C6: variants seen among roughly 807,000 people sequenced by gnomAD.
The protein encoded by C6 is complement component C6.
A neutral mutation model predicts 112.9 loss-of-function variants in C6; 101 were observed. The ratio of observed to expected loss-of-function variants is 0.89; its 90% CI spans 0.76 to 1.06. The LOEUF (loss-of-function observed/expected upper bound fraction) is 1.06, where lower values mean the gene tolerates loss of function less well. Among genes scored for constraint, C6 ranks in the 50% least tolerant of loss-of-function variants. The probability of loss-of-function intolerance (pLI) is 0.00; values close to 1 mark genes in which losing one functional copy is unlikely to be tolerated. For missense variants in C6, 1,202 were observed against 1,104.6 expected, an observed-to-expected ratio of 1.09 and a Z score of -1.25; for synonymous variants, 431 against 384.1, an observed-to-expected ratio of 1.12 and a Z score of -1.43.
chr5:41,149,893 G>T, intron 16 of C6, 42 bp downstream of exon 16: 1 of 1,391,714 alleles, frequency 7.2e-7, no homozygotes, highest in Non-Finnish European at 1.0e-6. Flanking sequence ...CACTAGACTG[G>T]TTTTCCCAAT....
intron 8 of C6, among the ~76,000 whole-genome samples, chr5:41,172,907 C>T (rs986777065): frequency 1.3e-5 from 2 of 152,180 alleles, no homozygotes; most frequent in Non-Finnish European, 2.9e-5. Flanking sequence ...TCATACCTCT[C>T]TGGGCTTCTT....
At chr5:41,247,101 G>A (rs558432018) in intron 1 of C6, among the ~76,000 whole-genome samples, 6 of 152,188 alleles carry the variant, frequency 3.9e-5, no homozygotes, top group African/African-American at 1.4e-4. Context: ...TAGGCTGACT[G>A]GGCACAGTAT....
At chr5:41,170,063 T>C (rs1748299157) in intron 9 of C6, among the ~76,000 whole-genome samples, 1 of 152,162 alleles carries the variant, frequency 6.6e-6, no homozygotes, top group East Asian at 1.9e-4. Context: ...TTTCCCTGTA[T>C]ATAATCAAGA....
At chr5:41,249,459 A>G (rs1741211409) in intron 1 of C6, among the ~76,000 whole-genome samples, 1 of 152,122 alleles carries the variant, frequency 6.6e-6, no homozygotes, top group Non-Finnish European at 1.5e-5. Flanking sequence ...TAGATATCCA[A>G]CCTCTACTTT....
Position 41,154,000 on chromosome 5 carries a change from T to G in C6, c.2102-2A>C. On this transcript the variant is annotated splice_acceptor_variant, in intron 14 of 17. Coordinates refer to ENST00000337836, the MANE Select transcript of C6 (RefSeq NM_000065.5). LOFTEE classifies it high-confidence loss of function. ...CAACTGGCTTGATGCACTCCGTCCC[T>G]GCAAGAGAGCAACATTTCATATGTG... is the stretch of plus-strand genomic sequence containing the variant. The G allele has an allele frequency of 3.1e-6, 5 of 1,613,144 alleles. No individual in the cohort carries two copies. Among genetic ancestry groups the G allele is most frequent in the Non-Finnish European group, 4.2e-6 (5 of 1,179,290 alleles).
chr5:41,234,256 A>T (rs890867412), intron 1 of C6, among the ~76,000 whole-genome samples: 1 of 151,984 alleles, frequency 6.6e-6, no homozygotes, highest in Non-Finnish European at 1.5e-5. Context: ...CGTAACAATG[A>T]TAGAAATTCC....
At chr5:41,209,690 C>A (rs1751737117) in intron 1 of C6, among the ~76,000 whole-genome samples, 1 of 152,152 alleles carries the variant, frequency 6.6e-6, no homozygotes, top group South Asian at 2.1e-4. Context: ...AGGAGAACTA[C>A]AAACCACTGC....
chr5:41,200,595 C>T (rs1482521846), intron 3 of C6, among the ~76,000 whole-genome samples: 1 of 152,096 alleles, frequency 6.6e-6, no homozygotes, highest in Non-Finnish European at 1.5e-5. Flanking sequence ...TGAAAGGGAC[C>T]TAGAACAGTT....
At chr5:41,145,703 C>G (rs1431897887) in intron 17 of C6, among the ~76,000 whole-genome samples, 1 of 152,190 alleles carries the variant, frequency 6.6e-6, no homozygotes, top group Non-Finnish European at 1.5e-5. Context: ...GTACTATGCT[C>G]TCCATCAACC....
chr5:41,198,720 C>T lies in C6; in HGVS notation c.445+1048G>A, dbSNP rs532838648. On this transcript the variant is annotated intron_variant, in intron 4 of 17. Transcript: ENST00000337836. The stretch of plus-strand genomic sequence containing the variant: ...CTTCTCAAACTTTAAGTATTTTTGG[C>T]CTGAATGCAGATCCTTTGTAATTTT... Among the ~76,000 whole-genome samples, 7 of 152,158 alleles carry T rather than the reference C, an allele frequency of 4.6e-5. No homozygotes were observed. In the South Asian group the frequency reaches 1.0e-3, roughly 23 times the overall value.
In C6 at chr5:41,213,445, A is replaced by G. The variant is rs1752066829; in HGVS notation, c.-90T>C. On this transcript the variant is annotated 5_prime_UTR_variant, in exon 1 of 18. Transcript: ENST00000337836. ...ATTGGGGAAAAAATAGGTATGCAGA[A>G]TGAAGAGGGTATATATGTTAATCCA... 1.0e-6 allele frequency: 1 copy of G among 985,278 alleles called. No individual in the cohort carries two copies. The highest frequency in any genetic ancestry group is 6.2e-5 in the Admixed American group (1 of 16,246). The allele number at this position is 985,278 out of a possible 1,614,324, so 61.0% of individuals were successfully genotyped here.
intron 10 of C6, among the ~76,000 whole-genome samples, 163 bp from the exon 11 acceptor site, chr5:41,160,530 G>T (rs1455420958): frequency 6.6e-6 from 1 of 152,132 alleles, no homozygotes; most frequent in Non-Finnish European, 1.5e-5. Flanking sequence ...GTAGGCAAAA[G>T]CCTTCTACCT....
chr5:41,207,188 G>A (rs1359534502), intron 1 of C6, among the ~76,000 whole-genome samples: 2 of 152,090 alleles, frequency 1.3e-5, no homozygotes, highest in Non-Finnish European at 2.9e-5. Context: ...AGAGATTTTT[G>A]TCACCACCAG....
chr5:41,153,543 A>C (rs1049730123), intron 15 of C6, among the ~76,000 whole-genome samples: 1 of 152,194 alleles, frequency 6.6e-6, no homozygotes, highest in Admixed American at 6.6e-5. Context: ...CTTTACTGAT[A>C]ATTTTATTTA....
chr5:41,207,879 T>C (rs1751566950), intron 1 of C6, among the ~76,000 whole-genome samples: 1 of 152,176 alleles, frequency 6.6e-6, no homozygotes, highest in South Asian at 2.1e-4. Flanking sequence ...CAAGCGGACC[T>C]AATAGACATC....
chr5:41,207,920 T>C (rs917010035), intron 1 of C6, among the ~76,000 whole-genome samples: 1 of 152,178 alleles, frequency 6.6e-6, no homozygotes, highest in African/African-American at 2.4e-5. Flanking sequence ...ATCAACAGAA[T>C]ATATATTCTT....
upstream of C6, among the ~76,000 whole-genome samples, chr5:41,216,134 T>G (rs758977252): frequency 6.6e-6 from 1 of 152,174 alleles, no homozygotes; most frequent in African/African-American, 2.4e-5. Context: ...TCTTTGTGTC[T>G]TCTCTTTCCT....
At chr5:41,175,666 A>G (rs1280540071) in intron 8 of C6, among the ~76,000 whole-genome samples, 1 of 152,180 alleles carries the variant, frequency 6.6e-6, no homozygotes, top group Non-Finnish European at 1.5e-5. Flanking sequence ...ATCAAGTGGG[A>G]AATTATTTTC....
At chr5:41,183,352 T>C (rs1459241460) in intron 6 of C6, among the ~76,000 whole-genome samples, 2 of 152,208 alleles carry the variant, frequency 1.3e-5, no homozygotes, top group Admixed American at 6.5e-5. Flanking sequence ...ATAATGGCTG[T>C]GTTTTGACCA....
Sources: gnomAD v4.1 joint callset for allele counts (sites outside exome capture counted in the v4.1 genomes callset) on GRCh38, gnomAD v4.1.1 for gene constraint, MANE v1.5 for transcripts, NCBI Gene and HGNC (gene_info 2026-07-23, HGNC 2026-07-21) for gene names.